Variants in CEP126 observed in about 807,000 individuals in gnomAD.
The protein encoded by CEP126 is centrosomal protein of 126 kDa.
CEP126 carries 74 observed loss-of-function variants against 107.8 expected under a neutral mutation model. The ratio of observed to expected loss-of-function variants is 0.69; its 90% confidence interval spans 0.57 to 0.83. CEP126 has a LOEUF of 0.83. Among genes scored for constraint, CEP126 ranks in the 40% least tolerant of loss-of-function variants. The probability of loss-of-function intolerance (pLI) is 0.00; values close to 1 mark genes in which losing one functional copy is unlikely to be tolerated. For missense variants in CEP126, 1,237 were observed against 1,281.9 expected, an observed-to-expected ratio of 0.96 and a Z score of 0.53; for synonymous variants, 449 against 446.0, an observed-to-expected ratio of 1.01 and a Z score of -0.08.
intron 6 of CEP126, among the ~76,000 whole-genome samples, chr11:101,967,123 G>A (rs902557091): frequency 2.0e-5 from 3 of 149,676 alleles, no homozygotes; most frequent in Non-Finnish European, 4.4e-5. Context: ...GGGACTCCTG[G>A]ACTCAAGCAA....
At chr11:101,992,921 C>A in intron 10 of CEP126, 79 bp downstream of exon 10, 3 of 1,259,478 alleles carry the variant, frequency 2.4e-6, no homozygotes, top group Non-Finnish European at 3.1e-6. Flanking sequence ...AGGTAAGAAC[C>A]CCGTATTAAT....
rs58212956 is a variant in CEP126, at chr11:101,967,765, A to G, written c.2845+3885A>G. 9.2e-5 allele frequency among the ~76,000 whole-genome samples: 14 copies of G among 152,372 alleles called. No homozygotes were observed. In the East Asian group the frequency reaches 2.7e-3, roughly 29 times the overall value. ...ATAAAAATTTAAAATATGTAAAACAATATTATGGCTAATGGATACATCTGT... is the reference window on the plus strand; with the variant it reads ...ATAAAAATTTAAAATATGTAAAACAGTATTATGGCTAATGGATACATCTGT... On this transcript the variant is annotated intron_variant, in intron 6 of 10. Transcript: ENST00000263468.
At chr11:101,967,737 T>G (rs926498203) in intron 6 of CEP126, among the ~76,000 whole-genome samples, 2 of 151,958 alleles carry the variant, frequency 1.3e-5, no homozygotes, top group Non-Finnish European at 2.9e-5. Flanking sequence ...TTAATAAACT[T>G]ATATAAAAAT....
At chr11:101,981,550 C>T (rs2137126955) in intron 7 of CEP126, among the ~76,000 whole-genome samples, 1 of 152,280 alleles carries the variant, frequency 6.6e-6, no homozygotes, top group South Asian at 2.1e-4. Flanking sequence ...ACCTCGGCCT[C>T]CCAAAGTGTT....
intron 8 of CEP126, among the ~76,000 whole-genome samples, chr11:101,984,715 A>G (rs1941296227): frequency 6.6e-6 from 1 of 152,262 alleles, no homozygotes; most frequent in Non-Finnish European, 1.5e-5. Context: ...GGACAAAAAA[A>G]GACATTGTAA....
rs1418807814 is a variant in CEP126 at position 101,970,923 on chromosome 11, A to C, written c.2845+7043A>C. Among the ~76,000 whole-genome samples the C allele has an allele frequency of 2.0e-5, 3 of 152,198 alleles. No homozygotes were observed. In the East Asian group the frequency reaches 5.8e-4, roughly 29 times the overall value. ...ATAGCTAGTGTAAGTGGCATACTCA[A>C]AATTAAGGCATTATGATTCTATGTT... On this transcript the variant is annotated intron_variant, in intron 6 of 10. Transcript: ENST00000263468.
chr11:101,936,184 C>T (rs1199341164), intron 2 of CEP126, among the ~76,000 whole-genome samples: 1 of 152,006 alleles, frequency 6.6e-6, no homozygotes, highest in Non-Finnish European at 1.5e-5. Flanking sequence ...CTTATCTCTT[C>T]TCCTCTTTCC....
intron 3 of CEP126, among the ~76,000 whole-genome samples, chr11:101,947,453 G>GAT (rs1355542602): frequency 6.6e-6 from 1 of 152,038 alleles, no homozygotes; most frequent in Non-Finnish European, 1.5e-5. Flanking sequence ...TGAGAAAGTG[G>GAT]ATATATATAG....
intron 4 of CEP126, among the ~76,000 whole-genome samples, chr11:101,954,880 A>G (rs1210118692): frequency 6.6e-6 from 1 of 152,178 alleles, no homozygotes; most frequent in Non-Finnish European, 1.5e-5. Context: ...TTTATTGAAA[A>G]TGTAATTAAG....
At position 101,963,115 on chromosome 11, in the gene CEP126, A is replaced by G. The variant is rs1210968802; in HGVS notation, c.2080A>G (p.Ile694Val). The change falls in exon 6 of 11, where the codon ATC becomes GTC. Residue 694 changes from isoleucine to valine, a missense_variant. Around this residue, in one of 3 missense-constraint regions of CEP126, gnomAD observed 1,134 missense variants for 1,150.5 expected, o/e 0.99. Coordinates refer to ENST00000263468, the MANE Select transcript of CEP126 (RefSeq NM_020802.4). ...TACAAAGAAGTCCAGGGAGGATTCT[A>G]TCTCTGAAAATGTTACGACTTTAGG... Reference protein sequence around the residue: ...ADTKKSREDSISENVTTLGGS... With the variant: ...ADTKKSREDSVSENVTTLGGS... 5.0e-6 allele frequency: 8 copies of G among 1,614,122 alleles called. No homozygotes were observed. The highest frequency in any genetic ancestry group is 2.2e-5 in the East Asian group (1 of 44,876).
Position 101,922,860 on chromosome 11 carries a change from G to C in CEP126, c.248+100G>C, listed in dbSNP as rs563483083. ...CACTTTATGAAACTAAGTCATGGCA[G>C]TGTTATCTGTGAAACATTGATCAAG... On this transcript the variant is annotated intron_variant, in intron 2 of 10. Coordinates refer to ENST00000263468, the MANE Select transcript of CEP126 (RefSeq NM_020802.4). 4.2e-5 allele frequency: 37 copies of C among 873,760 alleles called. 1 individual carries two copies. The South Asian group carries it at 5.8e-4, about 14-fold the overall frequency. 54.1% of individuals were successfully genotyped at this position (873,760 alleles called of 1,614,324 possible). A position where few individuals can be genotyped will look rare whatever the true frequency, so the allele number is the denominator to read the frequency against.
At chr11:101,973,347 C>T (rs927977390) in intron 6 of CEP126, among the ~76,000 whole-genome samples, 1 of 152,098 alleles carries the variant, frequency 6.6e-6, no homozygotes. Context: ...TAAAAAGGAA[C>T]GAGATCATGT....
intron 6 of CEP126, among the ~76,000 whole-genome samples, chr11:101,964,483 A>T (rs538518548): frequency 2.0e-5 from 3 of 148,282 alleles, no homozygotes; most frequent in African/African-American, 7.5e-5. Context: ...AAATACAAAA[A>T]TTAGCCGGGC....
intron 2 of CEP126, among the ~76,000 whole-genome samples, chr11:101,931,774 A>G (rs1940503755): frequency 6.6e-6 from 1 of 152,146 alleles, no homozygotes; most frequent in South Asian, 2.1e-4. Context: ...GACCACAGAT[A>G]CTCTAAATAC....
chr11:101,980,822 G>T (rs1941247091), intron 7 of CEP126, among the ~76,000 whole-genome samples: 1 of 152,094 alleles, frequency 6.6e-6, no homozygotes, highest in Admixed American at 6.5e-5. Context: ...TTTGCACGAG[G>T]GTTTCAGTCC....
At chr11:101,978,650 G>GTTC (rs1272803983) in intron 7 of CEP126, among the ~76,000 whole-genome samples, 191 bp downstream of exon 7, 1 of 152,120 alleles carries the variant, frequency 6.6e-6, no homozygotes, top group Admixed American at 6.5e-5. Context: ...TACTTGCTAT[G>GTTC]TTCTGTATAA....
intron 2 of CEP126, among the ~76,000 whole-genome samples, chr11:101,924,206 T>A (rs557124090): frequency 6.6e-5 from 10 of 152,360 alleles, no homozygotes; most frequent in Admixed American, 5.9e-4. Flanking sequence ...TAAAGTGCAA[T>A]GTAAAGATAC....
Position 102,000,331 on chromosome 11 carries a change from G to A in CEP126, c.*2688G>A, listed in dbSNP as rs928888251. The A allele has an allele frequency of 6.6e-6, 1 of 152,254 alleles. No individual in the cohort carries two copies. The highest frequency in any genetic ancestry group is 2.1e-4 in the South Asian group (1 of 4,826). 9.4% of individuals were successfully genotyped at this position (152,254 alleles called of 1,614,324 possible). A position where few individuals can be genotyped will look rare whatever the true frequency, so the allele number is the denominator to read the frequency against. On this transcript the variant is annotated 3_prime_UTR_variant, in exon 11 of 11. Transcript: ENST00000263468. Reference sequence around the variant, plus strand: ...CGAATGTGAAGAAGTAAATTTAGAGGAAATCAAACAAGCATCACTTTCCTC... The same window carrying A: ...CGAATGTGAAGAAGTAAATTTAGAGAAAATCAAACAAGCATCACTTTCCTC...
At chr11:101,981,737 T>C in intron 7 of CEP126, 152 bp from the exon 8 acceptor site, 1 of 509,814 alleles carries the variant, frequency 2.0e-6, no homozygotes, top group South Asian at 3.2e-5. Context: ...TAATAATTCT[T>C]GTATTCAGCT....
Sources: allele counts gnomAD v4.1 joint callset (sites outside exome capture counted in the v4.1 genomes callset), GRCh38; gene constraint gnomAD v4.1.1; regional missense constraint gnomAD v4.1.1; transcripts MANE v1.5; gene names NCBI Gene and HGNC (gene_info 2026-07-23, HGNC 2026-07-21).